STAMBP: variants seen among roughly 807,000 people sequenced by gnomAD.
STAMBP encodes STAM binding protein.
STAMBP carries 31 observed loss-of-function variants against 50.7 expected under a neutral mutation model. That is an observed-to-expected ratio of 0.61 (90% CI 0.46 to 0.83). STAMBP has a LOEUF of 0.83. Ranked by LOEUF, STAMBP falls within the 40% of genes least tolerant of loss-of-function variation. STAMBP has a pLI of 0.00. For missense variants in STAMBP, 472 were observed against 518.9 expected (o/e 0.91, Z 0.88); for synonymous variants, 211 against 192.4 (o/e 1.10, Z -0.80).
chr2:73,845,351 C>A, intron 4 of STAMBP, 89 bp downstream of exon 4: 1 of 906,722 alleles, frequency 1.1e-6, no homozygotes, highest in Non-Finnish European at 1.7e-6. Flanking sequence ...ATATCCTGTG[C>A]TTTTAATGTG....
intron 2 of STAMBP, 56 bp downstream of exon 2, chr2:73,831,115 G>C (rs1006541621): frequency 1.4e-6 from 2 of 1,472,818 alleles, no homozygotes; most frequent in African/African-American, 2.8e-5. Context: ...TCGCCTATTT[G>C]GCTCAGAATT....
chr2:73,836,239 T>C (rs1674697322), intron 2 of STAMBP, among the ~76,000 whole-genome samples: 1 of 152,230 alleles, frequency 6.6e-6, no homozygotes, highest in Non-Finnish European at 1.5e-5. Flanking sequence ...ACTGAATCAG[T>C]TGTGAGCAGC....
chr2:73,847,785 T>C (rs1676316477), intron 5 of STAMBP, 32 bp downstream of exon 5: 30 of 1,591,592 alleles, frequency 1.9e-5, no homozygotes, highest in Non-Finnish European at 2.3e-5. Flanking sequence ...CTCTTCCTTC[T>C]CAGTTGCAGC....
intron 8 of STAMBP, among the ~76,000 whole-genome samples, chr2:73,859,724 AT>A (rs1028069740): frequency 5.3e-5 from 8 of 150,796 alleles, no homozygotes; most frequent in Middle Eastern, 3.4e-3. Context: ...TAATAAAAAA[AT>A]AAAAATAAAA....
rs1408040234 is a variant in STAMBP at position 73,834,237 on chromosome 2, ATATATATATAT to A, written c.203+3179_203+3189del. Among the ~76,000 whole-genome samples the A allele has an allele frequency of 6.3e-3, 70 of 11,160 alleles. 1 individual carries two copies. Among genetic ancestry groups the A allele is most frequent in the Non-Finnish European group, 7.1e-3 (51 of 7,196 alleles). 7.3% of individuals were successfully genotyped at this position (11,160 alleles called of 152,430 possible). On this transcript the variant is annotated intron_variant, in intron 2 of 9. Transcript: ENST00000394070. The stretch of plus-strand genomic sequence containing the variant: ...AAAAAAAAAAAAAAAAAAAAAAAAA[ATATATATATAT>A]ATATATATATATATATATATATATA...
At chr2:73,843,414 ATATATG>A (rs998483241) in intron 2 of STAMBP, among the ~76,000 whole-genome samples, 13 of 138,162 alleles carry the variant, frequency 9.4e-5, no homozygotes, top group African/African-American at 3.7e-4. Context: ...ATGTATATAT[ATATATG>A]TATATATATA....
intron 7 of STAMBP, among the ~76,000 whole-genome samples, chr2:73,851,212 ATGTGCCTT>A (rs1381934656): frequency 1.3e-5 from 2 of 152,228 alleles, no homozygotes; most frequent in Non-Finnish European, 2.9e-5. Context: ...AGGCAGTCCC[ATGTGCCTT>A]CTGTCCTTTC....
intron 9 of STAMBP, 62 bp from the exon 10 acceptor site, chr2:73,862,139 GAA>G (rs371779071): frequency 3.9e-3 from 4,702 of 1,191,370 alleles, no homozygotes; most frequent in Admixed American, 5.0e-3. Flanking sequence ...CCTATATGAA[GAA>G]AAAAAAAAAA....
At chr2:73,854,353 T>C (rs1182230904) in intron 7 of STAMBP, among the ~76,000 whole-genome samples, 2 of 152,234 alleles carry the variant, frequency 1.3e-5, no homozygotes, top group East Asian at 3.8e-4. Context: ...TTAGAATCAT[T>C]ACTGTACAGA....
At chr2:73,832,461 A>G (rs1051686347) in intron 2 of STAMBP, among the ~76,000 whole-genome samples, 18 of 121,322 alleles carry the variant, frequency 1.5e-4, no homozygotes, top group African/African-American at 6.3e-4. Flanking sequence ...AGACTGTTTC[A>G]AAAAAAAAAA....
chr2:73,831,286 C>A (rs1159705800), intron 2 of STAMBP, among the ~76,000 whole-genome samples: 1 of 152,144 alleles, frequency 6.6e-6, no homozygotes, highest in Non-Finnish European at 1.5e-5. Flanking sequence ...TGGCCTATGC[C>A]CACATAGCCC....
At chr2:73,852,555 C>G (rs1470630898) in intron 7 of STAMBP, among the ~76,000 whole-genome samples, 4 of 152,148 alleles carry the variant, frequency 2.6e-5, no homozygotes, top group African/African-American at 9.7e-5. Context: ...AAAAGGTTCA[C>G]TGGCAACTTG....
At chr2:73,831,364 CTCTT>C (rs1673898405) in intron 2 of STAMBP, among the ~76,000 whole-genome samples, 1 of 152,210 alleles carries the variant, frequency 6.6e-6, no homozygotes, top group South Asian at 2.1e-4. Context: ...TTTTACTGTT[CTCTT>C]TCTACTAAAG....
chr2:73,852,592 G>T (rs558838933), intron 7 of STAMBP, among the ~76,000 whole-genome samples: 1 of 152,302 alleles, frequency 6.6e-6, no homozygotes, highest in African/African-American at 2.4e-5. Flanking sequence ...ATGTAACATA[G>T]AATGTAGTTA....
intron 2 of STAMBP, among the ~76,000 whole-genome samples, chr2:73,838,049 A>G (rs541806092): frequency 6.6e-6 from 1 of 152,368 alleles, no homozygotes; most frequent in African/African-American, 2.4e-5. Context: ...AGATGATGTC[A>G]TGGGTGATCT....
At position 73,830,884 on chromosome 2, in the gene STAMBP, C is replaced by T. The variant is rs761813085; in HGVS notation, c.28C>T (p.Pro10Ser). Residue 10 changes from proline to serine, a missense_variant, in exon 2 of 10, where the codon CCG (proline) becomes TCG (serine). Pro to Ser is a moderately conservative substitution (Grantham distance 74). Coordinates refer to ENST00000394070, the MANE Select transcript of STAMBP (RefSeq NM_213622.4). MSDHGDVSLPPEDRVRALSQ... is the reference protein window; with the variant it reads MSDHGDVSLSPEDRVRALSQ... ...GTCTGACCATGGAGATGTGAGCCTC[C>T]CGCCCGAAGACCGGGTGAGGGCTCT... 6.2e-7 allele frequency: 1 copy of T among 1,613,502 alleles called. No individual in the cohort carries two copies. Among genetic ancestry groups the T allele is most frequent in the Non-Finnish European group, 8.5e-7 (1 of 1,179,994 alleles).
At chr2:73,840,651 G>A (rs572150362) in intron 2 of STAMBP, among the ~76,000 whole-genome samples, 176 of 151,788 alleles carry the variant, frequency 1.2e-3, no homozygotes, top group Admixed American at 1.6e-3. Flanking sequence ...GGCTGAGGCA[G>A]GAGAATCACT....
intron 7 of STAMBP, among the ~76,000 whole-genome samples, chr2:73,851,637 ATT>A (rs61483994): frequency 5.0e-4 from 68 of 135,602 alleles, no homozygotes; most frequent in African/African-American, 6.0e-4. Flanking sequence ...ACAGTGGTAG[ATT>A]TTTTTTTTTT....
intron 7 of STAMBP, among the ~76,000 whole-genome samples, chr2:73,854,630 T>C (rs1472862423): frequency 6.6e-6 from 1 of 152,122 alleles, no homozygotes; most frequent in African/African-American, 2.4e-5. Context: ...CACACACCAC[T>C]GTGCCCAGCT....
Sources: gnomAD v4.1 joint callset for allele counts (sites outside exome capture counted in the v4.1 genomes callset) on GRCh38, gnomAD v4.1.1 for gene constraint, MANE v1.5 for transcripts, NCBI Gene and HGNC (gene_info 2026-07-23, HGNC 2026-07-21) for gene names.